The following PER3 variants were observed in gnomAD, a reference collection of about 807,000 sequenced individuals.
PER3 encodes period circadian regulator 3.
Under a neutral mutation model 127.2 loss-of-function variants are expected in PER3, and 107 were observed. That is an observed-to-expected ratio of 0.84 (90% CI 0.72 to 0.99). The LOEUF (loss-of-function observed/expected upper bound fraction) is 0.99, where lower values mean the gene tolerates loss of function less well. PER3 is among the 50% of genes least tolerant of loss of function. The pLI, the probability that PER3 is intolerant of heterozygous loss-of-function variation, is 0.00. For synonymous variants in PER3, 618 were observed against 585.8 expected (o/e 1.05, Z -0.79); for missense variants, 1,560 against 1,525.8 (o/e 1.02, Z -0.37).
Position 7,822,999 on chromosome 1 carries a change from T to G in PER3, c.1957+2359T>G, listed in dbSNP as rs182027064. Among the ~76,000 whole-genome samples the G allele has an allele frequency of 4.6e-3, 703 of 152,244 alleles. 5 individuals are homozygous for G. The highest frequency in any genetic ancestry group is 0.01 in the South Asian group (49 of 4,828). ...AATTGAGCCTAGCTTGAGCTCATCT[T>G]GGGTTCGTTGCTACAGTGAGTTCTG... is the stretch of plus-strand genomic sequence containing the variant. On this transcript the variant is annotated intron_variant, in intron 16 of 21. Transcript: ENST00000377532.
At chr1:7,835,467 C>T (rs940315008) in intron 19 of PER3, among the ~76,000 whole-genome samples, 1 of 152,094 alleles carries the variant, frequency 6.6e-6, no homozygotes, top group Non-Finnish European at 1.5e-5. Context: ...TGAACAAGCC[C>T]ATGAGAGAGT....
At chr1:7,823,925 T>C (rs949293649) in intron 16 of PER3, among the ~76,000 whole-genome samples, 1 of 152,190 alleles carries the variant, frequency 6.6e-6, no homozygotes, top group Admixed American at 6.5e-5. Context: ...TTAAAAAGGA[T>C]TGATGGTGTG....
chr1:7,790,321 T>G (rs937330665), intron 5 of PER3, among the ~76,000 whole-genome samples: 2 of 152,168 alleles, frequency 1.3e-5, no homozygotes, highest in Non-Finnish European at 2.9e-5. Context: ...AAACATGTCT[T>G]TCTACACATG....
chr1:7,802,685 G>A (rs1456262819), intron 8 of PER3, among the ~76,000 whole-genome samples: 1 of 152,174 alleles, frequency 6.6e-6, no homozygotes, highest in Non-Finnish European at 1.5e-5. Flanking sequence ...CTTTTTAAAT[G>A]GCAACATAAA....
chr1:7,803,192 C>G, intron 9 of PER3, 39 bp downstream of exon 9: 4 of 1,202,388 alleles, frequency 3.3e-6, no homozygotes, highest in Non-Finnish European at 5.0e-6. Context: ...ATATTTTTCT[C>G]TCATTGATTT....
intron 16 of PER3, among the ~76,000 whole-genome samples, chr1:7,821,098 A>C (rs1219130149): frequency 6.6e-6 from 1 of 152,214 alleles, no homozygotes; most frequent in Non-Finnish European, 1.5e-5. Flanking sequence ...GAGTACTTTA[A>C]AACTCTTCAT....
rs148627435 is a variant in PER3 at position 7,843,754 on chromosome 1, G to A, written c.*999G>A. 3.2e-5 allele frequency: 8 copies of A among 248,728 alleles called. No homozygotes were observed. Among genetic ancestry groups the A allele is most frequent in the East Asian group, 2.9e-4 (2 of 6,986 alleles). The allele number at this position is 248,728 out of a possible 1,614,324, so 15.4% of individuals were successfully genotyped here. A position where few individuals can be genotyped will look rare whatever the true frequency, so the allele number is the denominator to read the frequency against. On this transcript the variant is annotated 3_prime_UTR_variant, in exon 22 of 22. Transcript: ENST00000377532. ...TTGTGGGGACTGCAAAAGAGAAAACGTCCAGGCGAGCCCAGTTGTCCTCGC... is the reference window on the plus strand; with the variant it reads ...TTGTGGGGACTGCAAAAGAGAAAACATCCAGGCGAGCCCAGTTGTCCTCGC...
At chr1:7,838,055 A>G (rs1323221388) in intron 21 of PER3, among the ~76,000 whole-genome samples, 1 of 148,812 alleles carries the variant, frequency 6.7e-6, no homozygotes, top group Non-Finnish European at 1.5e-5. Flanking sequence ...AAAAAAGACA[A>G]ATAATTCGTG....
At chr1:7,820,726 T>C (rs567078163) in intron 16 of PER3, 86 bp downstream of exon 16, 1 of 1,101,646 alleles carries the variant, frequency 9.1e-7, no homozygotes, top group African/African-American at 1.5e-5. Context: ...TACCATTCGC[T>C]CGGTTGTAAC....
chr1:7,822,638 AAAG>A (rs1427828227), intron 16 of PER3, among the ~76,000 whole-genome samples: 2 of 152,192 alleles, frequency 1.3e-5, no homozygotes, highest in Admixed American at 6.5e-5. Flanking sequence ...ACTCAATCCC[AAAG>A]AAGAGCAGGA....
Position 7,802,634 on chromosome 1 carries a change from ATCATC to A in PER3, c.873-412_873-408del, listed in dbSNP as rs1198250179. ...TAGCAACCTGCATTATTCATTTAACATCATCAGCATCTTTCTACGTTACGATGTGC... is the reference window on the plus strand; with the variant it reads ...TAGCAACCTGCATTATTCATTTAACAAGCATCTTTCTACGTTACGATGTGC... On this transcript the variant is annotated intron_variant, in intron 8 of 21. Transcript: ENST00000377532. 4.3e-5 allele frequency among the ~76,000 whole-genome samples: 6 copies of A among 138,648 alleles called. No individual in the cohort carries two copies. In the East Asian group the frequency reaches 2.1e-3, roughly 50 times the overall value. The allele number at this position is 138,648 out of a possible 152,430, so 91.0% of individuals were successfully genotyped here. A position where few individuals can be genotyped will look rare whatever the true frequency, so the allele number is the denominator to read the frequency against.
chr1:7,831,835 A>G (rs535315678), intron 19 of PER3, among the ~76,000 whole-genome samples: 2 of 152,116 alleles, frequency 1.3e-5, no homozygotes, highest in East Asian at 1.9e-4. Context: ...ATATTGGTCC[A>G]TTTACTTTCT....
intron 13 of PER3, among the ~76,000 whole-genome samples, chr1:7,817,202 C>T (rs2097255416): frequency 6.6e-6 from 1 of 152,116 alleles, no homozygotes; most frequent in South Asian, 2.1e-4. Context: ...ATTTTTAAGT[C>T]ATGGAAATGT....
At position 7,819,525 on chromosome 1, in the gene PER3, T is replaced by C. The variant is rs373388318; in HGVS notation, c.1658+105T>C. 43 of 978,768 alleles carry C rather than the reference T, an allele frequency of 4.4e-5. No individual in the cohort carries two copies. The East Asian group carries it at 6.0e-4, about 14-fold the overall frequency. The allele number at this position is 978,768 out of a possible 1,614,324, so 60.6% of individuals were successfully genotyped here. A position where few individuals can be genotyped will look rare whatever the true frequency, so the allele number is the denominator to read the frequency against. ...TTAATAGCTGCTCTGACTTGGTTTT[T>C]CACTATAAATCAGTAGACGTTTATG... On this transcript the variant is annotated intron_variant, in intron 14 of 21. Transcript: ENST00000377532.
rs767561682 is a variant in PER3, at chr1:7,827,321, A to G, written c.2392A>G (p.Met798Val). The G allele has an allele frequency of 6.2e-7, 1 of 1,613,786 alleles. No individual in the cohort carries two copies. Among genetic ancestry groups the G allele is most frequent in the Admixed American group, 1.7e-5 (1 of 59,982 alleles). The change falls in exon 18 of 22, where the codon ATG becomes GTG. Residue 798 changes from methionine (M) to valine (V), a missense_variant. Met to Val is a conservative substitution (Grantham distance 21, BLOSUM62 1). Around this residue, in one of 3 missense-constraint regions of PER3, gnomAD observed 1,332 missense variants for 1,223.6 expected, o/e 1.09. Transcript: ENST00000377532. The stretch of plus-strand genomic sequence containing the variant: ...GAGCCCGACCTTCCCACCTGCCGCC[A>G]TGGTGCCCAGCCAGGCCCCTTACCT... ...TSSPTFPPAA[M>V]VPSQAPYLVP... is the part of the protein sequence containing the mutation.
chr1:7,830,749 T>C (rs908053597), intron 19 of PER3, among the ~76,000 whole-genome samples: 11 of 152,196 alleles, frequency 7.2e-5, no homozygotes, highest in African/African-American at 2.4e-4. Context: ...CCCGTTAAAT[T>C]GCCGTGATGC....
intron 5 of PER3, among the ~76,000 whole-genome samples, chr1:7,789,438 C>G (rs945617818): frequency 6.6e-6 from 1 of 152,196 alleles, no homozygotes; most frequent in Non-Finnish European, 1.5e-5. Context: ...CAAGCTCTCT[C>G]TCTTTGCCTG....
chr1:7,785,068 A>G, intron 2 of PER3, 63 bp downstream of exon 2: 3 of 1,509,944 alleles, frequency 2.0e-6, no homozygotes, highest in Non-Finnish European at 2.7e-6. Flanking sequence ...GAGCAGGGAA[A>G]GGGGGACCTA....
intron 21 of PER3, among the ~76,000 whole-genome samples, chr1:7,839,407 A>C (rs1022604347): frequency 1.3e-5 from 2 of 152,264 alleles, no homozygotes; most frequent in Admixed American, 1.3e-4. Context: ...TTTTCTTTGA[A>C]TGTATTAGTT....
Sources: allele counts gnomAD v4.1 joint callset (sites outside exome capture counted in the v4.1 genomes callset), GRCh38; gene constraint gnomAD v4.1.1; regional missense constraint gnomAD v4.1.1; transcripts MANE v1.5; gene names NCBI Gene and HGNC (gene_info 2026-07-23, HGNC 2026-07-21).